The following NDUFA6 variants were observed in gnomAD, a reference collection of about 807,000 sequenced individuals.
NDUFA6 encodes NADH dehydrogenase [ubiquinone] 1 alpha subcomplex subunit 6.
NDUFA6 carries 10 observed loss-of-function variants against 12.5 expected under a neutral mutation model. The observed-to-expected ratio is 0.80, with a 90% CI of 0.49 to 1.35. The LOEUF (loss-of-function observed/expected upper bound fraction) is 1.35. NDUFA6 is among the 40% of genes most tolerant of loss of function. The pLI is 0.00. For missense variants in NDUFA6, 177 were observed against 173.5 expected, an observed-to-expected ratio of 1.02 and a Z score of -0.11; for synonymous variants, 66 against 63.0, an observed-to-expected ratio of 1.05 and a Z score of -0.23.
In NDUFA6 at chr22:42,090,759, C is replaced by T. The variant is rs199697970; in HGVS notation, c.-15G>A. On this transcript the variant is annotated 5_prime_UTR_variant, in exon 1 of 3. Transcript: ENST00000498737. The stretch of plus-strand genomic sequence containing the variant: ...CTCCCCGCCATCTTGCCAAAGCATC[C>T]ACTCCACAACCCCACCCCTTTGCAA... 7.4e-6 allele frequency: 12 copies of T among 1,614,226 alleles called. No homozygotes were observed. Among genetic ancestry groups the T allele is most frequent in the Non-Finnish European group, 1.0e-5 (12 of 1,180,050 alleles).
intron 1 of NDUFA6, chr22:42,089,575 A>G (rs1928495591): frequency 6.6e-6 from 1 of 152,152 alleles, no homozygotes; most frequent in Non-Finnish European, 1.5e-5. Context: ...TTCTGCTTGG[A>G]AGCTGCTGCT....
rs148627058 is a variant in NDUFA6, at chr22:42,090,724, G to T, written c.21C>A (p.Arg7=). 1 of 1,614,172 alleles carries T rather than the reference G, an allele frequency of 6.2e-7. No homozygotes were observed. Among genetic ancestry groups the T allele is most frequent in the Non-Finnish European group, 8.5e-7 (1 of 1,180,036 alleles). MAGSGV[R]QATSTASTFV... is the part of the protein sequence containing the mutation. ...AGGTGCTGGCGGTAGAAGTAGCTTG[G>T]CGGACGCCGCTCCCCGCCATCTTGC... Residue 7 remains arginine, a synonymous_variant, in exon 1 of 3, where the codon CGC becomes CGA. Coordinates refer to ENST00000498737, the MANE Select transcript of NDUFA6 (RefSeq NM_002490.6).
chr22:42,086,575 T>C (rs6002594), intron 2 of NDUFA6, among the ~76,000 whole-genome samples: 209 of 152,358 alleles, frequency 1.4e-3, no homozygotes, highest in African/African-American at 4.8e-3. Context: ...TCCTATCCCA[T>C]GACTACCTAA....
intron 1 of NDUFA6, among the ~76,000 whole-genome samples, chr22:42,088,363 C>T (rs1441979679): frequency 4.6e-5 from 7 of 151,510 alleles, no homozygotes; most frequent in African/African-American, 7.3e-5. Context: ...GCCGAGATTG[C>T]GCCACTGCAG....
At chr22:42,088,088 CAG>C (rs1484619736) in intron 1 of NDUFA6, among the ~76,000 whole-genome samples, 3 of 127,514 alleles carry the variant, frequency 2.4e-5, no homozygotes, top group Admixed American at 8.9e-5. Flanking sequence ...GCCTGGGTGA[CAG>C]AGTGAGACTG....
chr22:42,087,992 C>T (rs1928371597), intron 1 of NDUFA6, among the ~76,000 whole-genome samples: 1 of 149,788 alleles, frequency 6.7e-6, no homozygotes, highest in African/African-American at 2.5e-5. Flanking sequence ...CCTGTAATCC[C>T]AGCTACTCGG....
intron 1 of NDUFA6, 71 bp from the exon 2 acceptor site, chr22:42,087,246 T>G: frequency 4.4e-6 from 5 of 1,144,604 alleles, no homozygotes; most frequent in Non-Finnish European, 6.6e-6. Flanking sequence ...ATGATACTCA[T>G]TGAACACATA....
At position 42,087,053 on chromosome 22, in the gene NDUFA6, C is replaced by G; in HGVS notation, c.255+7G>C. ...ATCTTTTAAATTGGTCAGGGAGGGT[C>G]AGTTACCTTAATGACCAGAAGATCA... On this transcript the variant is annotated splice_region_variant and intron_variant, in intron 2 of 2. Coordinates refer to ENST00000498737, the MANE Select transcript of NDUFA6 (RefSeq NM_002490.6). The G allele has an allele frequency of 6.3e-7, 1 of 1,587,414 alleles. No individual in the cohort carries two copies. Among genetic ancestry groups the G allele is most frequent in the Non-Finnish European group, 8.7e-7 (1 of 1,155,732 alleles).
chr22:42,090,654 T>C lies in NDUFA6; in HGVS notation c.91A>G (p.Arg31Gly). The change falls in exon 1 of 3, where the codon AGG (arginine) becomes GGG (glycine). Residue 31 changes from arginine to glycine, a missense_variant. Arg to Gly is a moderately radical substitution (Grantham distance 125). Around this residue, in one of 3 missense-constraint regions of NDUFA6, gnomAD observed 111 missense variants for 87.2 expected, o/e 1.27. Coordinates refer to ENST00000498737, the MANE Select transcript of NDUFA6 (RefSeq NM_002490.6). ...FSRDMNEAKR[R>G]VRELYRAWYR... ...CAGGCGCGGTAGAGCTCGCGCACCCTCCGCTTGGCCTCGTTCATGTCCCGA... is the reference window on the plus strand; with the variant it reads ...CAGGCGCGGTAGAGCTCGCGCACCCCCCGCTTGGCCTCGTTCATGTCCCGA... The C allele has an allele frequency of 6.2e-7, 1 of 1,614,122 alleles. No homozygotes were observed. Among genetic ancestry groups the C allele is most frequent in the South Asian group, 1.1e-5 (1 of 91,090 alleles).
At chr22:42,089,658 T>G (rs1928500282) in intron 1 of NDUFA6, 1 of 152,162 alleles carries the variant, frequency 6.6e-6, no homozygotes, top group Non-Finnish European at 1.5e-5. Flanking sequence ...GAGTTAAATA[T>G]GCATCAAGTC....
Position 42,086,063 on chromosome 22 carries a change from G to T in NDUFA6, c.*120C>A, listed in dbSNP as rs1164950946. 2.1e-6 allele frequency: 3 copies of T among 1,417,370 alleles called. No homozygotes were observed. The highest frequency in any genetic ancestry group is 3.0e-6 in the Non-Finnish European group (3 of 1,006,604). 87.8% of individuals were successfully genotyped at this position (1,417,370 alleles called of 1,614,324 possible). A position where few individuals can be genotyped will look rare whatever the true frequency, so the allele number is the denominator to read the frequency against. ...GTATACCAAGGTCCCACTTGCTCAG[G>T]CAAAAAGAGGCTGCAGAAAATTGGT... On this transcript the variant is annotated 3_prime_UTR_variant, in exon 3 of 3. Transcript: ENST00000498737.
intron 2 of NDUFA6, 115 bp from the exon 3 acceptor site, chr22:42,086,429 A>C: frequency 2.2e-6 from 3 of 1,380,156 alleles, no homozygotes; most frequent in Admixed American, 1.7e-5. Flanking sequence ...ACCTTGGGCA[A>C]GTAACTACTC....
Position 42,085,910 on chromosome 22 carries a change from T to C in NDUFA6, c.*273A>G. The C allele has an allele frequency of 3.6e-6, 2 of 549,360 alleles. No individual in the cohort carries two copies. Among genetic ancestry groups the C allele is most frequent in the Non-Finnish European group, 6.5e-6 (2 of 307,006 alleles). 34.0% of individuals were successfully genotyped at this position (549,360 alleles called of 1,614,324 possible). A position where few individuals can be genotyped will look rare whatever the true frequency, so the allele number is the denominator to read the frequency against. ...ACAAGTCGTCCAGCCTCATGCCCAA[T>C]GTCACAATTTTTGAACAGATGGCCT... On this transcript the variant is annotated 3_prime_UTR_variant, in exon 3 of 3. Coordinates refer to ENST00000498737, the MANE Select transcript of NDUFA6 (RefSeq NM_002490.6).
In NDUFA6 at chr22:42,086,191, C is replaced by A; in HGVS notation, c.379G>T (p.Asp127Tyr). ...DFLSKFYVGH[D>Y]P is the part of the protein sequence containing the mutation. ...CTTTCCACTGAATGACTTCATGGAT[C>A]GTGGCCAACATAGAACTTGGATAGG... Residue 127 changes from aspartate to tyrosine, a missense_variant, in exon 3 of 3, where the codon GAT becomes TAT. Asp to Tyr is a radical substitution (Grantham distance 160). Around this residue, in one of 3 missense-constraint regions of NDUFA6, gnomAD observed 62 missense variants for 69.4 expected, o/e 0.89. Coordinates refer to ENST00000498737, the MANE Select transcript of NDUFA6 (RefSeq NM_002490.6). 6.2e-7 allele frequency: 1 copy of A among 1,614,210 alleles called. No homozygotes were observed. The highest frequency in any genetic ancestry group is 1.7e-5 in the Admixed American group (1 of 60,026).
intron 1 of NDUFA6, among the ~76,000 whole-genome samples, chr22:42,088,411 CTCAAAAAAAATAATTATTATTTTATTAG>C: frequency 6.6e-6 from 1 of 150,458 alleles, no homozygotes; most frequent in Non-Finnish European, 1.5e-5. Context: ...GAGACTCCGT[CTCAAAAAAAATAATTATTATTTTATTAG>C]CTGGGCGCGG....
chr22:42,089,260 T>C (rs1239322875), intron 1 of NDUFA6, among the ~76,000 whole-genome samples: 1 of 151,718 alleles, frequency 6.6e-6, no homozygotes, highest in Non-Finnish European at 1.5e-5. Context: ...TTCTGGGTAC[T>C]CCTAGAAGTA....
intron 1 of NDUFA6, 55 bp downstream of exon 1, chr22:42,090,551 G>A (rs1027756316): frequency 4.3e-5 from 69 of 1,602,848 alleles, no homozygotes; most frequent in Non-Finnish European, 4.5e-5. Flanking sequence ...CGGCCGGGCC[G>A]GCTACGACCT....
At chr22:42,087,732 G>A (rs537119325) in intron 1 of NDUFA6, among the ~76,000 whole-genome samples, 17 of 151,744 alleles carry the variant, frequency 1.1e-4, no homozygotes, top group African/African-American at 3.9e-4. Flanking sequence ...AACCCGGGAG[G>A]TGGACCTTGC....
At chr22:42,086,455 T>G (rs1455720408) in intron 2 of NDUFA6, 141 bp from the exon 3 acceptor site, 1 of 1,065,116 alleles carries the variant, frequency 9.4e-7, no homozygotes, top group Admixed American at 1.8e-5. Flanking sequence ...GGGCAAAGTT[T>G]CTATGTCTGG....
Sources: allele counts gnomAD v4.1 joint callset (sites outside exome capture counted in the v4.1 genomes callset), GRCh38; gene constraint gnomAD v4.1.1; regional missense constraint gnomAD v4.1.1; transcripts MANE v1.5; gene names NCBI Gene and HGNC (gene_info 2026-07-23, HGNC 2026-07-21).